Variants in MED12L observed in about 807,000 individuals in gnomAD.
MED12L encodes the protein mediator complex subunit 12L, also known as mediator of RNA polymerase II transcription subunit 12-like protein.
In MED12L, 60 loss-of-function variants were observed where a neutral mutation model predicts 281.3. That is an observed-to-expected ratio of 0.21 (90% CI 0.17 to 0.26). The LOEUF (loss-of-function observed/expected upper bound fraction) is 0.26, where lower values mean the gene tolerates loss of function less well. MED12L is among the 10% of genes least tolerant of loss of function. MED12L has a pLI of 1.00. For missense variants in MED12L, 2,146 were observed against 2,680.9 expected, an observed-to-expected ratio of 0.80 and a Z score of 4.41; for synonymous variants, 974 against 987.2, an observed-to-expected ratio of 0.99 and a Z score of 0.25.
chr3:151,197,454 A>T (rs1174496103), intron 16 of MED12L, among the ~76,000 whole-genome samples: 1 of 152,050 alleles, frequency 6.6e-6, no homozygotes, highest in African/African-American at 2.4e-5. Flanking sequence ...GGCTGGAGTC[A>T]CCTATACTTT....
intron 16 of MED12L, among the ~76,000 whole-genome samples, chr3:151,223,748 A>G (rs554948418): frequency 6.6e-6 from 1 of 152,336 alleles, no homozygotes; most frequent in East Asian, 1.9e-4. Flanking sequence ...TGTGTTCACT[A>G]TTTGGGTGAT....
chr3:151,178,146 A>G (rs1488123904), intron 11 of MED12L, among the ~76,000 whole-genome samples: 1 of 124,188 alleles, frequency 8.1e-6, no homozygotes, highest in East Asian at 2.6e-4. Context: ...CAACAGAATG[A>G]GACTTGGTCT....
chr3:151,417,263 A>G (rs1653282683), intron 43 of MED12L, among the ~76,000 whole-genome samples: 1 of 152,152 alleles, frequency 6.6e-6, no homozygotes, highest in Non-Finnish European at 1.5e-5. Context: ...GACTGCCTTC[A>G]GCACAGGATT....
intron 36 of MED12L, among the ~76,000 whole-genome samples, chr3:151,386,954 C>G (rs187143946): frequency 7.1e-4 from 108 of 152,216 alleles, no homozygotes; most frequent in African/African-American, 2.6e-3. Context: ...GGTGATCCCA[C>G]CCGCCTCAGC....
rs1741003117 is a variant in MED12L, at chr3:151,271,817, GTAGAACTAAGC to G, written c.2250+78153_2250+78163del. Among the ~76,000 whole-genome samples, 10 of 152,262 alleles carry G rather than the reference GTAGAACTAAGC, an allele frequency of 6.6e-5. No individual in the cohort carries two copies. In the South Asian group the frequency reaches 2.1e-3, roughly 32 times the overall value. On this transcript the variant is annotated intron_variant, in intron 16 of 44. Coordinates refer to ENST00000687756, the MANE Select transcript of MED12L (RefSeq NM_001393769.1). Reference sequence around the variant, plus strand: ...CCATTTCAGTGTAGTTCTAATACTGGTAGAACTAAGCTCTAATGAGAGAAATTAGGAATGTA... The same window carrying G: ...CCATTTCAGTGTAGTTCTAATACTGGTCTAATGAGAGAAATTAGGAATGTA...
chr3:151,268,268 A>T (rs186331315), intron 16 of MED12L, among the ~76,000 whole-genome samples: 19 of 147,554 alleles, frequency 1.3e-4, no homozygotes, highest in African/African-American at 2.7e-4. Context: ...TATATATATA[A>T]GTCAGTTTTC....
chr3:151,395,240 G>T (rs1714812791), intron 39 of MED12L, among the ~76,000 whole-genome samples: 1 of 152,114 alleles, frequency 6.6e-6, no homozygotes, highest in Non-Finnish European at 1.5e-5. Flanking sequence ...TTGTGTTCAT[G>T]TATTATTTTT....
chr3:151,319,340 A>G (rs970080473), intron 16 of MED12L, among the ~76,000 whole-genome samples: 1 of 152,100 alleles, frequency 6.6e-6, no homozygotes, highest in Admixed American at 6.6e-5. Flanking sequence ...CTTCATAGCG[A>G]TAATTTCCTT....
intron 13 of MED12L, 58 bp from the exon 14 acceptor site, chr3:151,190,659 A>G: frequency 7.0e-7 from 1 of 1,432,082 alleles, no homozygotes. Context: ...AGCCTTAGTA[A>G]TTAGTTTTTT....
chr3:151,309,194 T>A (rs1435168866), intron 16 of MED12L, among the ~76,000 whole-genome samples: 1 of 151,840 alleles, frequency 6.6e-6, no homozygotes, highest in Non-Finnish European at 1.5e-5. Flanking sequence ...TTCAGTGAAT[T>A]TATCAACTTC....
chr3:151,241,489 G>A (rs894925792), intron 16 of MED12L, among the ~76,000 whole-genome samples: 2 of 152,096 alleles, frequency 1.3e-5, no homozygotes, highest in African/African-American at 4.8e-5. Context: ...AGGCAGTGAA[G>A]CATCTTCCCC....
chr3:151,246,441 G>A (rs913825131), intron 16 of MED12L, among the ~76,000 whole-genome samples: 1 of 151,934 alleles, frequency 6.6e-6, no homozygotes, highest in Non-Finnish European at 1.5e-5. Context: ...CAATGGAACA[G>A]AACAGAGCCC....
intron 21 of MED12L, among the ~76,000 whole-genome samples, chr3:151,362,504 C>T (rs985502773): frequency 6.6e-6 from 1 of 152,078 alleles, no homozygotes. Flanking sequence ...ACACTTCACT[C>T]ACGACTGTCT....
chr3:151,341,176 G>A (rs555240128), intron 16 of MED12L, among the ~76,000 whole-genome samples: 5 of 152,220 alleles, frequency 3.3e-5, no homozygotes, highest in East Asian at 3.9e-4. Context: ...CTCAAAATGC[G>A]TGCTGGCTAG....
At chr3:151,377,889 A>C in intron 30 of MED12L, 123 bp from the exon 31 acceptor site, 1 of 933,078 alleles carries the variant, frequency 1.1e-6, no homozygotes, top group Non-Finnish European at 1.5e-6. Flanking sequence ...CAGAAATAAA[A>C]GGGAAATTTT....
At chr3:151,257,658 G>A (rs920983321) in intron 16 of MED12L, among the ~76,000 whole-genome samples, 1 of 152,244 alleles carries the variant, frequency 6.6e-6, no homozygotes, top group Admixed American at 6.5e-5. Context: ...GGAGCTTCAA[G>A]ATTTGCATTG....
At chr3:151,327,872 C>T (rs992738311) in intron 16 of MED12L, 5 of 722,178 alleles carry the variant, frequency 6.9e-6, no homozygotes, top group Non-Finnish European at 1.1e-5. Context: ...TTTCTGTACA[C>T]GAGGATAATA....
At chr3:151,368,324 G>A (rs1755539269) in intron 25 of MED12L, 73 bp downstream of exon 25, 3 of 1,294,040 alleles carry the variant, frequency 2.3e-6, no homozygotes, top group Non-Finnish European at 3.3e-6. Context: ...CAAATAGGCT[G>A]TCCCTTTCTG....
chr3:151,132,455 T>C (rs1715529491), intron 5 of MED12L, among the ~76,000 whole-genome samples: 1 of 152,248 alleles, frequency 6.6e-6, no homozygotes, highest in Admixed American at 6.5e-5. Flanking sequence ...CCATTGATTT[T>C]TCCTTTCTCC....
Sources: gnomAD v4.1 joint callset for allele counts (sites outside exome capture counted in the v4.1 genomes callset) on GRCh38, gnomAD v4.1.1 for gene constraint, MANE v1.5 for transcripts, NCBI Gene and HGNC (gene_info 2026-07-23, HGNC 2026-07-21) for gene names.